BAZ2B: variants seen among roughly 807,000 people sequenced by gnomAD.
The protein encoded by BAZ2B is bromodomain adjacent to zinc finger domain protein 2B.
In BAZ2B, 91 loss-of-function variants were observed where a neutral mutation model predicts 246.0. The observed-to-expected ratio is 0.37, with a 90% CI of 0.31 to 0.44. The LOEUF (loss-of-function observed/expected upper bound fraction) is 0.44. Ranked by LOEUF, BAZ2B falls within the 20% of genes least tolerant of loss-of-function variation. BAZ2B has a pLI of 1.00. For synonymous variants in BAZ2B, 855 were observed against 860.0 expected (o/e 0.99, Z 0.10); for missense variants, 2,332 against 2,533.7 (o/e 0.92, Z 1.71).
chr2:159,486,594 CT>C lies in BAZ2B; in HGVS notation c.-2-7874del, dbSNP rs1178171940. On this transcript the variant is annotated intron_variant, in intron 2 of 36. Coordinates refer to ENST00000392783, the MANE Select transcript of BAZ2B (RefSeq NM_013450.4). ...AATGTGGGCTTTTCTTTTTCTTCTT[CT>C]TTTTTTTTTTTCTTTTGTGCTGGTC... 9.5e-3 allele frequency among the ~76,000 whole-genome samples: 1,373 copies of C among 143,790 alleles called. 12 individuals are homozygous for C. Among genetic ancestry groups the C allele is most frequent in the African/African-American group, 0.03 (1,186 of 39,474 alleles). The allele number at this position is 143,790 out of a possible 152,430, so 94.3% of individuals were successfully genotyped here. A position where few individuals can be genotyped will look rare whatever the true frequency, so the allele number is the denominator to read the frequency against.
At chr2:159,691,569 T>C in the BAZ2B span, among the ~76,000 whole-genome samples, 2 of 152,240 alleles carry the variant, frequency 1.3e-5, no homozygotes, top group East Asian at 1.9e-4. Flanking sequence ...CTGTCTGAAA[T>C]GGAAAAAAAG....
the BAZ2B span, among the ~76,000 whole-genome samples, chr2:159,642,354 C>T: frequency 9.9e-5 from 15 of 151,226 alleles, no homozygotes; most frequent in East Asian, 1.6e-3. Context: ...TCTCCTGTCT[C>T]GGCCTCCCAA....
intron 25 of BAZ2B, among the ~76,000 whole-genome samples, chr2:159,377,798 C>T (rs1235005423): frequency 1.7e-5 from 2 of 114,992 alleles, no homozygotes; most frequent in African/African-American, 3.4e-5. Flanking sequence ...GGTGACAGAG[C>T]GAGACTCTGT....
intron 32 of BAZ2B, 185 bp downstream of exon 32, chr2:159,337,382 C>A: frequency 1.4e-6 from 2 of 1,384,788 alleles, no homozygotes; most frequent in Non-Finnish European, 1.9e-6. Context: ...CAAGAAGATA[C>A]ATAGATAACA....
At chr2:159,468,607 G>A (rs150604758) in intron 3 of BAZ2B, among the ~76,000 whole-genome samples, 70 of 152,274 alleles carry the variant, frequency 4.6e-4, no homozygotes, top group African/African-American at 1.5e-3. Context: ...AATAGAAAAT[G>A]TTTTTACTGG....
chr2:159,390,557 C>A (rs1425144180), intron 20 of BAZ2B, among the ~76,000 whole-genome samples: 1 of 152,130 alleles, frequency 6.6e-6, no homozygotes, highest in Non-Finnish European at 1.5e-5. Context: ...ATATTCTAAT[C>A]ATCTCCATTT....
intron 1 of BAZ2B, among the ~76,000 whole-genome samples, chr2:159,607,443 A>G (rs1048511271): frequency 2.6e-5 from 4 of 152,220 alleles, no homozygotes; most frequent in Non-Finnish European, 5.9e-5. Flanking sequence ...GAATACCTCT[A>G]ACCAGAAAGG....
chr2:159,453,487 T>C, intron 4 of BAZ2B, 126 bp downstream of exon 4: 2 of 1,141,074 alleles, frequency 1.8e-6, no homozygotes, highest in East Asian at 2.9e-5. Context: ...ATTAAGCCAA[T>C]TCTTGCACCA....
At chr2:159,325,501 A>C (rs2063588112) in intron 35 of BAZ2B, 152 bp downstream of exon 35, 12 of 813,870 alleles carry the variant, frequency 1.5e-5, no homozygotes, top group Non-Finnish European at 1.7e-5. Context: ...TACATTTACT[A>C]TACTTTTACT....
chr2:159,587,749 G>C (rs959955544), intron 1 of BAZ2B, among the ~76,000 whole-genome samples: 1 of 152,116 alleles, frequency 6.6e-6, no homozygotes, highest in African/African-American at 2.4e-5. Flanking sequence ...TTACATGACT[G>C]TTTTCCCCTA....
intron 13 of BAZ2B, among the ~76,000 whole-genome samples, chr2:159,417,417 C>T (rs1427333610): frequency 1.3e-5 from 2 of 152,038 alleles, no homozygotes; most frequent in Non-Finnish European, 2.9e-5. Context: ...GTGATCCACC[C>T]GCCTTGGCCT....
At chr2:159,542,054 G>A (rs983173770) in intron 2 of BAZ2B, among the ~76,000 whole-genome samples, 1 of 152,062 alleles carries the variant, frequency 6.6e-6, no homozygotes, top group African/African-American at 2.4e-5. Context: ...TTCACTAGAG[G>A]GATTAACAGC....
the BAZ2B span, among the ~76,000 whole-genome samples, chr2:159,626,715 G>A: frequency 1.3e-5 from 2 of 152,092 alleles, no homozygotes; most frequent in African/African-American, 4.8e-5. Flanking sequence ...AGAGAAAGGA[G>A]GAAAGATCTA....
At chr2:159,476,728 A>G (rs755744962) in intron 3 of BAZ2B, among the ~76,000 whole-genome samples, 9 of 152,248 alleles carry the variant, frequency 5.9e-5, no homozygotes, top group Non-Finnish European at 1.2e-4. Context: ...ATAAGACAGC[A>G]GATTAGAATA....
chr2:159,387,519 T>C lies in BAZ2B; in HGVS notation c.3217-912A>G, dbSNP rs561589221. Among the ~76,000 whole-genome samples, 124 of 152,288 alleles carry C rather than the reference T, an allele frequency of 8.1e-4. No homozygotes were observed. In the Middle Eastern group the frequency reaches 0.01, roughly 13 times the overall value. On this transcript the variant is annotated intron_variant, in intron 21 of 36. Transcript: ENST00000392783. ...TTTCTCCACTCTGCATTTATTGAGG[T>C]AACCAATTGAAGACTTTTTCTGTTA...
intron 1 of BAZ2B, among the ~76,000 whole-genome samples, chr2:159,574,077 T>C (rs1171076789): frequency 6.6e-6 from 1 of 150,964 alleles, no homozygotes; most frequent in Admixed American, 6.6e-5. Context: ...CTACCCAGGA[T>C]GACACAGTGA....
intron 2 of BAZ2B, among the ~76,000 whole-genome samples, chr2:159,549,824 CTTT>C (rs766811132): frequency 1.5e-5 from 2 of 131,124 alleles, no homozygotes; most frequent in Admixed American, 7.7e-5. Flanking sequence ...TTTTTTCTTT[CTTT>C]TTTTTTTTTT....
intron 14 of BAZ2B, among the ~76,000 whole-genome samples, chr2:159,410,438 T>TAGTAAGTGAGTTCTCATGAG (rs2066639322): frequency 1.3e-5 from 2 of 152,276 alleles, no homozygotes; most frequent in Admixed American, 1.3e-4. Flanking sequence ...GTTCTCATGA[T>TAGTAAGTGAGTTCTCATGAG]AGTAAGTGAG....
At position 159,439,224 on chromosome 2, in the gene BAZ2B, C is replaced by T. The variant is rs753912830; in HGVS notation, c.697-12G>A. 2 of 1,605,222 alleles carry T rather than the reference C, an allele frequency of 1.2e-6. No individual in the cohort carries two copies. Among genetic ancestry groups the T allele is most frequent in the Non-Finnish European group, 1.7e-6 (2 of 1,174,828 alleles). On this transcript the variant is annotated splice_polypyrimidine_tract_variant and intron_variant, in intron 6 of 36. Transcript: ENST00000392783. ...TTCTTCCTTGGTTTCTGGATAACGA[C>T]AAGGTAGTTGGCAAGACTTTATTTT...
Sources: allele counts gnomAD v4.1 joint callset (sites outside exome capture counted in the v4.1 genomes callset), GRCh38; gene constraint gnomAD v4.1.1; transcripts MANE v1.5; gene names NCBI Gene and HGNC (gene_info 2026-07-23, HGNC 2026-07-21).